Variants in SBF2 observed in about 807,000 individuals in gnomAD.
The protein encoded by SBF2 is myotubularin-related protein 13.
A neutral mutation model predicts 225.2 loss-of-function variants in SBF2; 112 were observed. The observed-to-expected ratio is 0.50, with a 90% CI of 0.43 to 0.58. SBF2 has a LOEUF of 0.58. Ranked by LOEUF, SBF2 falls within the 20% of genes least tolerant of loss-of-function variation. SBF2 has a pLI of 0.00. For missense variants in SBF2, 1,996 were observed against 2,206.2 expected (o/e 0.90, Z 1.91); for synonymous variants, 763 against 773.3 (o/e 0.99, Z 0.22).
rs975141592 is a variant in SBF2 at position 9,779,547 on chromosome 11, T to A, written c.*871A>T. On this transcript the variant is annotated 3_prime_UTR_variant, in exon 40 of 40. Transcript: ENST00000256190. Reference sequence around the variant, plus strand: ...ACACAGCCCTTGTCACAGGTGCGTATGGTCCTAAATAGCTGGCCTCTGTCT... The same window carrying A: ...ACACAGCCCTTGTCACAGGTGCGTAAGGTCCTAAATAGCTGGCCTCTGTCT... 8 of 152,712 alleles carry A rather than the reference T, an allele frequency of 5.2e-5. No homozygotes were observed. The highest frequency in any genetic ancestry group is 8.8e-5 in the Non-Finnish European group (6 of 68,088). The allele number at this position is 152,712 out of a possible 1,614,324, so 9.5% of individuals were successfully genotyped here.
intron 17 of SBF2, among the ~76,000 whole-genome samples, chr11:9,882,774 C>G (rs1182370167): frequency 1.4e-5 from 2 of 139,164 alleles, no homozygotes; most frequent in East Asian, 4.2e-4. Flanking sequence ...CGGTACTGCA[C>G]TCCAGCCTGG....
rs1181827798 is a variant in SBF2, at chr11:10,196,851, TATATATATATA to T, written c.56-2875_56-2865del. 1.4e-4 allele frequency among the ~76,000 whole-genome samples: 3 copies of T among 20,884 alleles called. 1 individual carries two copies. Among genetic ancestry groups the T allele is most frequent in the Admixed American group, 1.3e-3 (3 of 2,354 alleles). The allele number at this position is 20,884 out of a possible 152,430, so 13.7% of individuals were successfully genotyped here. On this transcript the variant is annotated intron_variant, in intron 1 of 39. Transcript: ENST00000256190. ...TTTCTTGCATAAATATATATATATA[TATATATATATA>T]TATATTTTTTTTTTCCTACAAAATG...
At chr11:10,293,917 T>TCCCCGACGCTCGG in intron 1 of SBF2, 98 bp downstream of exon 1, 1 of 881,782 alleles carries the variant, frequency 1.1e-6, no homozygotes, top group Non-Finnish European at 1.5e-6. Flanking sequence ...GGCCTGGCCC[T>TCCCCGACGCTCGG]CCCCGACGCC....
At chr11:9,875,446 A>C (rs1388726848) in intron 17 of SBF2, among the ~76,000 whole-genome samples, 1 of 152,168 alleles carries the variant, frequency 6.6e-6, no homozygotes, top group African/African-American at 2.4e-5. Context: ...TCATTTGTAC[A>C]GTTTAAGGCC....
At chr11:9,959,755 C>A in intron 16 of SBF2, 1 of 655,412 alleles carries the variant, frequency 1.5e-6, no homozygotes, top group Non-Finnish European at 2.9e-6. Flanking sequence ...CTTGACGCCT[C>A]TGTTTAAGTG....
intron 2 of SBF2, among the ~76,000 whole-genome samples, chr11:10,138,690 C>T (rs1954500789): frequency 6.6e-6 from 1 of 152,040 alleles, no homozygotes; most frequent in Non-Finnish European, 1.5e-5. Context: ...TTTCTTTGAA[C>T]CACTATTTAG....
intron 16 of SBF2, among the ~76,000 whole-genome samples, chr11:9,949,711 CT>C (rs898091044): frequency 1.3e-5 from 2 of 151,792 alleles, no homozygotes; most frequent in East Asian, 1.9e-4. Context: ...GAAAAAGGGG[CT>C]TTTTTTTCCT....
intron 17 of SBF2, among the ~76,000 whole-genome samples, chr11:9,874,139 T>C (rs1186509765): frequency 1.3e-5 from 2 of 152,158 alleles, no homozygotes; most frequent in African/African-American, 2.4e-5. Flanking sequence ...TGCATGATAT[T>C]ATTACTATCT....
chr11:10,272,665 G>A (rs1017658637), intron 1 of SBF2, among the ~76,000 whole-genome samples: 2 of 149,420 alleles, frequency 1.3e-5, no homozygotes, highest in Non-Finnish European at 3.0e-5. Context: ...CCAGCTACTT[G>A]GAAGGCTGAG....
Position 9,794,676 on chromosome 11 carries a change from C to CAAAAAAAAAAAAAAAAAAAA in SBF2, c.4570+1135_4570+1154dup, listed in dbSNP as rs575749593. ...TGATACAGTGAGTGGGACTCCGTCT[C>CAAAAAAAAAAAAAAAAAAAA]AAAAAAAAAAAAAAAAAAAAAAAAA... On this transcript the variant is annotated intron_variant, in intron 33 of 39. Coordinates refer to ENST00000256190, the MANE Select transcript of SBF2 (RefSeq NM_030962.4). 2.0e-4 allele frequency among the ~76,000 whole-genome samples: 7 copies of CAAAAAAAAAAAAAAAAAAAA among 35,354 alleles called. 3 individuals carry two copies. Among genetic ancestry groups the CAAAAAAAAAAAAAAAAAAAA allele is most frequent in the African/African-American group, 2.1e-4 (2 of 9,462 alleles). The allele number at this position is 35,354 out of a possible 152,430, so 23.2% of individuals were successfully genotyped here. A position where few individuals can be genotyped will look rare whatever the true frequency, so the allele number is the denominator to read the frequency against.
intron 2 of SBF2, among the ~76,000 whole-genome samples, chr11:10,080,655 A>C (rs1951330432): frequency 6.6e-6 from 1 of 152,202 alleles, no homozygotes; most frequent in African/African-American, 2.4e-5. Context: ...TGCTCTACTT[A>C]AAAGATACAG....
chr11:9,914,795 C>A (rs1284613171), intron 16 of SBF2, among the ~76,000 whole-genome samples: 1 of 151,632 alleles, frequency 6.6e-6, no homozygotes. Flanking sequence ...TAAATCTGTA[C>A]AACACCAAGA....
chr11:9,893,793 G>C (rs1256937720), intron 17 of SBF2, among the ~76,000 whole-genome samples: 2 of 152,188 alleles, frequency 1.3e-5, no homozygotes, highest in South Asian at 2.1e-4. Flanking sequence ...AATCAGCCTA[G>C]ATCTGGGAAG....
chr11:10,156,881 T>C (rs938119563), intron 2 of SBF2, among the ~76,000 whole-genome samples: 11 of 152,190 alleles, frequency 7.2e-5, no homozygotes, highest in Non-Finnish European at 1.6e-4. Context: ...CCTATTAAAC[T>C]ACCACTGATA....
chr11:10,278,061 T>A (rs1274070372), intron 1 of SBF2, among the ~76,000 whole-genome samples: 1 of 152,234 alleles, frequency 6.6e-6, no homozygotes, highest in Non-Finnish European at 1.5e-5. Flanking sequence ...GTATTAATTT[T>A]CCCAAAAGAC....
chr11:9,966,870 T>C (rs943707259), intron 14 of SBF2, among the ~76,000 whole-genome samples: 1 of 152,136 alleles, frequency 6.6e-6, no homozygotes, highest in Non-Finnish European at 1.5e-5. Context: ...ACATTAAACA[T>C]AGAATTACCA....
chr11:10,012,641 G>A (rs76747380), intron 6 of SBF2, among the ~76,000 whole-genome samples: 46 of 152,048 alleles, frequency 3.0e-4, no homozygotes, highest in African/African-American at 1.1e-3. Context: ...CAGTATGTGC[G>A]CTCAAAGTCA....
rs529635618 is a variant in SBF2 at position 10,275,074 on chromosome 11, C to T, written c.55+18941G>A. Among the ~76,000 whole-genome samples the T allele has an allele frequency of 7.9e-5, 12 of 152,038 alleles. No homozygotes were observed. The South Asian group carries it at 2.5e-3, about 32-fold the overall frequency. On this transcript the variant is annotated intron_variant, in intron 1 of 39. Transcript: ENST00000256190. ...CAGAGTTTCCAAATCACATGGACACCTGAACTCAATAGCCAGGGAGAAAGG... is the reference window on the plus strand; with the variant it reads ...CAGAGTTTCCAAATCACATGGACACTTGAACTCAATAGCCAGGGAGAAAGG...
At chr11:10,286,166 G>GCGCGCACACACACACA (rs373771420) in intron 1 of SBF2, among the ~76,000 whole-genome samples, 3 of 147,238 alleles carry the variant, frequency 2.0e-5, no homozygotes, top group African/African-American at 7.5e-5. Context: ...ACACGCACAC[G>GCGCGCACACACACACA]CACACACACA....
Sources: gnomAD v4.1 joint callset for allele counts (sites outside exome capture counted in the v4.1 genomes callset) on GRCh38, gnomAD v4.1.1 for gene constraint, MANE v1.5 for transcripts, NCBI Gene and HGNC (gene_info 2026-07-23, HGNC 2026-07-21) for gene names.